The following TTF1 variants were observed in gnomAD, a reference collection of about 807,000 sequenced individuals.
TTF1 encodes transcription termination factor 1.
A neutral mutation model predicts 80.2 loss-of-function variants in TTF1; 64 were observed. That is an observed-to-expected ratio of 0.80 (90% confidence interval 0.65 to 0.98). The LOEUF (loss-of-function observed/expected upper bound fraction) is 0.98, where lower values mean the gene tolerates loss of function less well. Ranked by LOEUF, TTF1 falls within the 50% of genes least tolerant of loss-of-function variation. The probability of loss-of-function intolerance (pLI) is 0.00; values close to 1 mark genes in which losing one functional copy is unlikely to be tolerated. For synonymous variants in TTF1, 372 were observed against 382.7 expected (o/e 0.97, Z 0.33); for missense variants, 1,023 against 1,086.2 (o/e 0.94, Z 0.82).
intron 9 of TTF1, among the ~76,000 whole-genome samples, chr9:132,381,137 A>T (rs975361417): frequency 6.6e-6 from 1 of 152,226 alleles, no homozygotes; most frequent in Non-Finnish European, 1.5e-5. Flanking sequence ...TTTTAGTTTT[A>T]AAAATCATGT....
At chr9:132,387,243 C>T (rs371981213) in intron 8 of TTF1, among the ~76,000 whole-genome samples, 7 of 152,234 alleles carry the variant, frequency 4.6e-5, no homozygotes, top group African/African-American at 1.4e-4. Flanking sequence ...GGCACCACGC[C>T]GAGCCAAGTT....
At chr9:132,399,560 TTAATAA>T (rs536071279) in intron 3 of TTF1, among the ~76,000 whole-genome samples, 1 of 152,106 alleles carries the variant, frequency 6.6e-6, no homozygotes, top group African/African-American at 2.4e-5. Context: ...TTTATTATTC[TTAATAA>T]TAATAATTCT....
intron 4 of TTF1, among the ~76,000 whole-genome samples, chr9:132,397,879 A>C (rs546201): frequency 6.6e-6 from 1 of 151,392 alleles, no homozygotes; most frequent in Non-Finnish European, 1.5e-5. Flanking sequence ...CCAGCTACTC[A>C]GGAGGCTGAG....
chr9:132,393,074 C>G (rs1053275441), intron 5 of TTF1, among the ~76,000 whole-genome samples: 2 of 152,192 alleles, frequency 1.3e-5, no homozygotes, highest in Non-Finnish European at 2.9e-5. Context: ...AGACACAGCT[C>G]TAGAAGGGAA....
Position 132,401,727 on chromosome 9 carries a change from A to C in TTF1, c.1095T>G (p.Ser365Arg). 6.2e-7 allele frequency: 1 copy of C among 1,614,228 alleles called. No individual in the cohort carries two copies. The change falls in exon 2 of 11, where the codon AGT becomes AGG. Residue 365 changes from serine (S) to arginine (R), a missense_variant. Physicochemically the swap from Ser to Arg is moderately radical, Grantham distance 110 (BLOSUM62 -1). Transcript: ENST00000334270. ...TACTGCCTTCCACAGTCCCAACCTC[A>C]CTGCCCACCTGTGATCCTTCAGGGT... ...SAYPEGSQVG[S>R]EVGTVEGSTA...
chr9:132,386,452 C>T (rs903723603), intron 9 of TTF1, 104 bp downstream of exon 9: 7 of 1,005,736 alleles, frequency 7.0e-6, no homozygotes, highest in African/African-American at 5.0e-5. Context: ...TACAAAATTC[C>T]AAATGCAGCA....
At chr9:132,391,752 C>T (rs139395386) in intron 6 of TTF1, among the ~76,000 whole-genome samples, 3 of 152,358 alleles carry the variant, frequency 2.0e-5, no homozygotes, top group South Asian at 2.1e-4. Context: ...TCCCTCCCAA[C>T]GTGTCCCGTG....
rs191432535 is a variant in TTF1 at position 132,393,400 on chromosome 9, C to T, written c.1857-1194G>A. Among the ~76,000 whole-genome samples, 332 of 152,328 alleles carry T rather than the reference C, an allele frequency of 2.2e-3. 1 individual carries two copies. The highest frequency in any genetic ancestry group is 6.5e-3 in the African/African-American group (270 of 41,574). On this transcript the variant is annotated intron_variant, in intron 5 of 10. Coordinates refer to ENST00000334270, the MANE Select transcript of TTF1 (RefSeq NM_007344.4). ...CAAGGAACACCGGGCCCACCCAGGG[C>T]GGAAAACCGCTTAAAGGCATTCTTA... is the stretch of plus-strand genomic sequence containing the variant.
At chr9:132,391,847 C>T (rs757894119) in intron 6 of TTF1, among the ~76,000 whole-genome samples, 19 of 152,188 alleles carry the variant, frequency 1.2e-4, no homozygotes, top group Middle Eastern at 3.2e-3. Flanking sequence ...TATATTTGCA[C>T]GGACAGTTAC....
At chr9:132,399,136 T>C (rs957498062) in intron 3 of TTF1, among the ~76,000 whole-genome samples, 9 of 150,116 alleles carry the variant, frequency 6.0e-5, no homozygotes, top group Admixed American at 1.3e-4. Flanking sequence ...GAGGCGTAGG[T>C]TGCAGTGAGC....
At chr9:132,382,731 C>T (rs1849388557) in intron 9 of TTF1, among the ~76,000 whole-genome samples, 1 of 140,648 alleles carries the variant, frequency 7.1e-6, no homozygotes, top group Non-Finnish European at 1.5e-5. Context: ...GCCTGGGCAA[C>T]ATGGCAAAAC....
chr9:132,380,385 C>T lies in TTF1; in HGVS notation c.2379-1241G>A, dbSNP rs146634151. Among the ~76,000 whole-genome samples the T allele has an allele frequency of 6.7e-4, 102 of 152,244 alleles. 1 individual carries two copies. Among genetic ancestry groups the T allele is most frequent in the Non-Finnish European group, 1.3e-3 (90 of 68,022 alleles). ...TGAGCCACTGCACCTGGCCCATTAT[C>T]TCCTTTAGCCTTCCTGACAGCCTAT... On this transcript the variant is annotated intron_variant, in intron 9 of 10. Coordinates refer to ENST00000334270, the MANE Select transcript of TTF1 (RefSeq NM_007344.4).
chr9:132,392,247 A>ATCAGATTAAAAATGGTAT, intron 5 of TTF1, 41 bp from the exon 6 acceptor site: 1 of 1,611,424 alleles, frequency 6.2e-7, no homozygotes, highest in Non-Finnish European at 8.5e-7. Context: ...TAAACGAACT[A>ATCAGATTAAAAATGGTAT]TCAGATTAAA....
chr9:132,377,709 T>A (rs1486165210), intron 10 of TTF1, among the ~76,000 whole-genome samples: 39 of 82,586 alleles, frequency 4.7e-4, no homozygotes, highest in African/African-American at 4.9e-4. Context: ...ATGTGGTGTG[T>A]GTGAGTGCAT....
At chr9:132,396,392 T>C (rs779482769) in intron 5 of TTF1, 41 bp downstream of exon 5, 7 of 1,571,844 alleles carry the variant, frequency 4.5e-6, no homozygotes, top group Non-Finnish European at 5.3e-6. Context: ...CAGCAAAGAC[T>C]AGAGAAATGT....
intron 5 of TTF1, among the ~76,000 whole-genome samples, chr9:132,393,498 T>C (rs567270763): frequency 6.6e-6 from 1 of 152,260 alleles, no homozygotes; most frequent in South Asian, 2.1e-4. Flanking sequence ...GCCCAACCTA[T>C]TCCTTTAATT....
intron 8 of TTF1, among the ~76,000 whole-genome samples, chr9:132,387,290 CT>C (rs1849485892): frequency 6.6e-6 from 1 of 152,078 alleles, no homozygotes; most frequent in African/African-American, 2.4e-5. Flanking sequence ...TACAGTAACC[CT>C]CCCCCCCCAA....
chr9:132,400,543 G>A (rs1199414669), intron 2 of TTF1, among the ~76,000 whole-genome samples: 4 of 152,100 alleles, frequency 2.6e-5, no homozygotes, highest in African/African-American at 7.2e-5. Context: ...GGCTGGTCTC[G>A]AACTCCTGGC....
intron 3 of TTF1, among the ~76,000 whole-genome samples, chr9:132,398,720 G>A (rs369191421): frequency 1.1e-4 from 16 of 151,920 alleles, no homozygotes; most frequent in South Asian, 2.1e-4. Context: ...TCAGCCTCCC[G>A]AGTAGCTGGG....
Sources: allele counts gnomAD v4.1 joint callset (sites outside exome capture counted in the v4.1 genomes callset), GRCh38; gene constraint gnomAD v4.1.1; transcripts MANE v1.5; gene names NCBI Gene and HGNC (gene_info 2026-07-23, HGNC 2026-07-21).